DMXL2: variants seen among roughly 807,000 people sequenced by gnomAD.
DMXL2 encodes Dmx like 2.
DMXL2 carries 103 observed loss-of-function variants against 331.1 expected under a neutral mutation model. The ratio of observed to expected loss-of-function variants is 0.31; its 90% CI spans 0.27 to 0.37. The LOEUF is 0.37. Ranked by LOEUF, DMXL2 falls within the 10% of genes least tolerant of loss-of-function variation. The probability of loss-of-function intolerance (pLI) is 1.00; values close to 1 mark genes in which losing one functional copy is unlikely to be tolerated. For missense variants in DMXL2, 3,171 were observed against 3,642.9 expected, an observed-to-expected ratio of 0.87 and a Z score of 3.33; for synonymous variants, 1,281 against 1,252.1, an observed-to-expected ratio of 1.02 and a Z score of -0.49.
In DMXL2 at chr15:51,595,280, GACAA is replaced by G. The variant is rs745754353; in HGVS notation, c.88-19103_88-19100del. On this transcript the variant is annotated intron_variant, in intron 1 of 43. Transcript: ENST00000560891. ...CAAGCATTCTTATATACCAATAACA[GACAA>G]ACAGAGAGCCAAATCATGAGTGAAC... Among the ~76,000 whole-genome samples, 258 of 152,252 alleles carry G rather than the reference GACAA, an allele frequency of 1.7e-3. No homozygotes were observed. In the Middle Eastern group the frequency reaches 0.02, roughly 12 times the overall value.
At chr15:51,593,613 T>C (rs967936570) in intron 1 of DMXL2, among the ~76,000 whole-genome samples, 3 of 152,208 alleles carry the variant, frequency 2.0e-5, no homozygotes, top group Admixed American at 6.5e-5. Flanking sequence ...AGAATATACA[T>C]TCTTCTCAGC....
rs1424424329 is a variant in DMXL2, at chr15:51,449,134, C to T, written c.9027G>A (p.Gln3009=). Residue 3009 remains glutamine (Q), a synonymous_variant, in exon 44 of 44, where the codon CAG becomes CAA. Transcript: ENST00000560891. The part of the protein sequence containing the change: ...IHSFKSEHAK[Q]SIFRNIGAGV... ...CAGCCCCAATGTTTCGAAATATGGA[C>T]TGCTTAGCATGTTCACTTTTAAATG... 1 of 1,614,190 alleles carries T rather than the reference C, an allele frequency of 6.2e-7. No homozygotes were observed. Among genetic ancestry groups the T allele is most frequent in the Non-Finnish European group, 8.5e-7 (1 of 1,180,018 alleles).
chr15:51,510,866 C>A (rs1485168427), intron 15 of DMXL2, among the ~76,000 whole-genome samples: 1 of 152,150 alleles, frequency 6.6e-6, no homozygotes, highest in African/African-American at 2.4e-5. Flanking sequence ...TGGAACAGAA[C>A]AGAGTCCTCA....
intron 1 of DMXL2, among the ~76,000 whole-genome samples, chr15:51,577,450 A>G (rs1007172869): frequency 2.0e-5 from 3 of 152,228 alleles, no homozygotes; most frequent in Non-Finnish European, 2.9e-5. Flanking sequence ...AAAATCAAAA[A>G]GTTCACCAAA....
chr15:51,483,937 C>T (rs546915542), intron 23 of DMXL2, among the ~76,000 whole-genome samples: 245 of 150,902 alleles, frequency 1.6e-3, no homozygotes, highest in Non-Finnish European at 1.7e-3. Context: ...CTAACAGAAA[C>T]GCCCCCATGC....
At chr15:51,567,651 A>G (rs1233707851) in intron 3 of DMXL2, 1 of 152,258 alleles carries the variant, frequency 6.6e-6, no homozygotes, top group African/African-American at 2.4e-5. Flanking sequence ...TAACTGAGAA[A>G]CAGTAAAAAT....
Position 51,476,622 on chromosome 15 carries a change from C to A in DMXL2, c.6931G>T (p.Ala2311Ser), listed in dbSNP as rs77486493. 2 of 1,610,562 alleles carry A rather than the reference C, an allele frequency of 1.2e-6. No individual in the cohort carries two copies. Among genetic ancestry groups the A allele is most frequent in the South Asian group, 2.2e-5 (2 of 90,206 alleles). Residue 2311 changes from alanine (A) to serine (S), a missense_variant, in exon 27 of 44, where the codon GCA becomes TCA. Coordinates refer to ENST00000560891, the MANE Select transcript of DMXL2 (RefSeq NM_001378457.1). ...TGAGCAGGAGATGAATTTGGTGTTG[C>A]GTGTTCTTCAATGCTTTCTGTCCTT... ...RLRTESIEEHATPNSSPAQWP... is the reference protein window; with the variant it reads ...RLRTESIEEHSTPNSSPAQWP...
At position 51,486,298 on chromosome 15, in the gene DMXL2, C is replaced by G; in HGVS notation, c.5257G>C (p.Val1753Leu). The G allele has an allele frequency of 6.2e-7, 1 of 1,602,548 alleles. No individual in the cohort carries two copies. The highest frequency in any genetic ancestry group is 8.5e-7 in the Non-Finnish European group (1 of 1,170,202). Residue 1753 changes from valine (V) to leucine (L), a missense_variant, in exon 23 of 44, where the codon GTT (valine) becomes CTT (leucine). This residue lies in a region of DMXL2 where 252 missense variants were observed against 387.4 expected (regional missense o/e 0.65). Transcript: ENST00000560891. ...TCAGATTCATATAAACGGGCAATAACCATGGCTAGCTGAATATCTTCCATT... is the reference window on the plus strand; with the variant it reads ...TCAGATTCATATAAACGGGCAATAAGCATGGCTAGCTGAATATCTTCCATT... Reference protein sequence around the residue: ...EKMEDIQLAMVIARLYESEFE... With the variant: ...EKMEDIQLAMLIARLYESEFE...
intron 2 of DMXL2, among the ~76,000 whole-genome samples, chr15:51,569,232 G>C (rs1340132938): frequency 4.6e-5 from 7 of 152,130 alleles, no homozygotes; most frequent in Admixed American, 1.3e-4. Context: ...AGGTTGACCT[G>C]GGACACTCGA....
chr15:51,568,398 A>T, intron 3 of DMXL2, 89 bp downstream of exon 3: 1 of 817,950 alleles, frequency 1.2e-6, no homozygotes, highest in Non-Finnish European at 1.9e-6. Flanking sequence ...TATTTTCAGC[A>T]CTAGCTCCTA....
At chr15:51,581,581 T>A (rs1333094073) in intron 1 of DMXL2, among the ~76,000 whole-genome samples, 1 of 152,210 alleles carries the variant, frequency 6.6e-6, no homozygotes, top group Non-Finnish European at 1.5e-5. Flanking sequence ...TTTAGTTTTA[T>A]ATATAATTGT....
In DMXL2 at chr15:51,464,983, T is replaced by C. The variant is rs142268105; in HGVS notation, c.7607-107A>G. 8 of 1,004,062 alleles carry C rather than the reference T, an allele frequency of 8.0e-6. No homozygotes were observed. In the African/African-American group the frequency reaches 1.3e-4, roughly 16 times the overall value. 62.2% of individuals were successfully genotyped at this position (1,004,062 alleles called of 1,614,324 possible). On this transcript the variant is annotated intron_variant, in intron 31 of 43. Coordinates refer to ENST00000560891, the MANE Select transcript of DMXL2 (RefSeq NM_001378457.1). ...GAGATAATACTTCTGAAAATACAAA[T>C]AAATCTGCAAATGTTAATGTAATAC...
chr15:51,513,566 C>T (rs1195410218), intron 15 of DMXL2, among the ~76,000 whole-genome samples: 1 of 152,064 alleles, frequency 6.6e-6, no homozygotes, highest in Non-Finnish European at 1.5e-5. Flanking sequence ...TTCACTAAAG[C>T]GAAGGAAATT....
intron 33 of DMXL2, chr15:51,460,091 T>C (rs556560492): frequency 1.1e-6 from 1 of 939,920 alleles, no homozygotes; most frequent in Non-Finnish European, 1.3e-6. Flanking sequence ...GATAATTATT[T>C]CACTCTTATA....
intron 15 of DMXL2, 89 bp downstream of exon 15, chr15:51,514,353 G>T: frequency 1.4e-6 from 1 of 732,190 alleles, no homozygotes. Context: ...TATGAGAGTG[G>T]TAACTTTTGA....
At chr15:51,506,999 T>G (rs1261392044) in intron 16 of DMXL2, 135 bp downstream of exon 16, 3 of 696,194 alleles carry the variant, frequency 4.3e-6, no homozygotes, top group Non-Finnish European at 2.1e-6. Flanking sequence ...TAATTAAAAG[T>G]TTAGAAGAGA....
At chr15:51,606,582 C>G (rs990267679) in intron 1 of DMXL2, among the ~76,000 whole-genome samples, 1 of 152,172 alleles carries the variant, frequency 6.6e-6, no homozygotes, top group Non-Finnish European at 1.5e-5. Context: ...CTTCCCTAAA[C>G]AGTAAAATCC....
chr15:51,507,176 G>T lies in DMXL2; in HGVS notation c.2722C>A (p.His908Asn). 1 of 1,610,724 alleles carries T rather than the reference G, an allele frequency of 6.2e-7. No individual in the cohort carries two copies. The highest frequency in any genetic ancestry group is 8.5e-7 in the Non-Finnish European group (1 of 1,178,102). The change falls in exon 16 of 44, where the codon CAT (histidine) becomes AAT (asparagine). Residue 908 changes from histidine (H) to asparagine (N), a missense_variant. Around this residue, in one of 7 missense-constraint regions of DMXL2, gnomAD observed 1,674 missense variants for 1,780.2 expected, o/e 0.94. Coordinates refer to ENST00000560891, the MANE Select transcript of DMXL2 (RefSeq NM_001378457.1). ...EKDSNNNSIL[H>N]MWHLHLKSVQ... ...GATTTAAGATGAAGGTGCCACATAT[G>T]CAGAATAGAGTTATTATTGCTGTCC...
At chr15:51,613,687 G>C (rs536338404) in intron 1 of DMXL2, among the ~76,000 whole-genome samples, 61 of 151,932 alleles carry the variant, frequency 4.0e-4, no homozygotes, top group Non-Finnish European at 7.8e-4. Flanking sequence ...AATTCTTTGG[G>C]GTTTTTATTT....
Sources: allele counts gnomAD v4.1 joint callset (sites outside exome capture counted in the v4.1 genomes callset), GRCh38; gene constraint gnomAD v4.1.1; regional missense constraint gnomAD v4.1.1; transcripts MANE v1.5; gene names NCBI Gene and HGNC (gene_info 2026-07-23, HGNC 2026-07-21).